The following ZNF407 variants were observed in gnomAD, a reference collection of about 807,000 sequenced individuals.
ZNF407 encodes zinc finger protein 407.
ZNF407 carries 17 observed loss-of-function variants against 131.2 expected under a neutral mutation model. The ratio of observed to expected loss-of-function variants is 0.13; its 90% CI spans 0.09 to 0.19. ZNF407 has a LOEUF of 0.19. Among genes scored for constraint, ZNF407 ranks in the 10% least tolerant of loss-of-function variants. The pLI is 1.00. For missense variants in ZNF407, 2,681 were observed against 2,830.6 expected (o/e 0.95, Z 1.20); for synonymous variants, 1,156 against 1,062.0 (o/e 1.09, Z -1.72).
At chr18:75,031,548 A>G (rs1452847674) in intron 8 of ZNF407, among the ~76,000 whole-genome samples, 3 of 152,242 alleles carry the variant, frequency 2.0e-5, no homozygotes, top group African/African-American at 7.2e-5. Flanking sequence ...ACTGTGACTC[A>G]TGAAACTGCT....
At chr18:74,759,294 C>T (rs1599130486) in intron 3 of ZNF407, among the ~76,000 whole-genome samples, 2 of 152,084 alleles carry the variant, frequency 1.3e-5, no homozygotes, top group Non-Finnish European at 2.9e-5. Flanking sequence ...TAGCATTTGA[C>T]AGTTTGAATA....
intron 8 of ZNF407, among the ~76,000 whole-genome samples, chr18:74,977,477 G>A (rs2145309832): frequency 6.6e-6 from 1 of 152,332 alleles, no homozygotes; most frequent in East Asian, 1.9e-4. Context: ...ATGTTTAGTA[G>A]CCTATCTCAC....
intron 3 of ZNF407, among the ~76,000 whole-genome samples, chr18:74,761,468 A>G (rs1201793898): frequency 6.6e-6 from 1 of 152,090 alleles, no homozygotes; most frequent in Non-Finnish European, 1.5e-5. Context: ...ATATTTATTA[A>G]TTGGTTTGAT....
chr18:74,659,294 G>A (rs1327777751), intron 3 of ZNF407, among the ~76,000 whole-genome samples: 10 of 152,058 alleles, frequency 6.6e-5, no homozygotes, highest in Non-Finnish European at 1.3e-4. Flanking sequence ...CCTATGTAGA[G>A]CTGGTTGAAC....
intron 4 of ZNF407, among the ~76,000 whole-genome samples, chr18:74,807,909 G>T (rs1418437236): frequency 6.6e-6 from 1 of 152,022 alleles, no homozygotes; most frequent in Non-Finnish European, 1.5e-5. Flanking sequence ...AAAAGATGAG[G>T]TCTTACTATG....
At chr18:74,663,537 C>A (rs928250404) in intron 3 of ZNF407, among the ~76,000 whole-genome samples, 1 of 152,128 alleles carries the variant, frequency 6.6e-6, no homozygotes, top group African/African-American at 2.4e-5. Context: ...GAACGCAGGT[C>A]CCGGCTCGAC....
chr18:74,937,339 GCTA>G (rs1186848200), intron 8 of ZNF407, among the ~76,000 whole-genome samples: 2 of 152,160 alleles, frequency 1.3e-5, no homozygotes, highest in African/African-American at 2.4e-5. Context: ...ACAATCTCAT[GCTA>G]CTATTAGTTT....
intron 7 of ZNF407, among the ~76,000 whole-genome samples, chr18:74,893,438 C>G (rs9949283): frequency 0.38 from 58,467 of 152,014 alleles, 12,856 homozygotes; most frequent in African/African-American, 0.6. Context: ...TCTTTTACTA[C>G]TGAACAAAAG....
intron 4 of ZNF407, among the ~76,000 whole-genome samples, chr18:74,782,244 A>G (rs1057096490): frequency 6.6e-6 from 1 of 152,212 alleles, no homozygotes; most frequent in Admixed American, 6.5e-5. Flanking sequence ...AAAATTCTAC[A>G]GATACTCTCA....
chr18:74,754,827 TGATTCGGGGTGGA>T (rs1442879730), intron 3 of ZNF407, among the ~76,000 whole-genome samples: 1 of 152,246 alleles, frequency 6.6e-6, no homozygotes, highest in Non-Finnish European at 1.5e-5. Flanking sequence ...TATATTCTGT[TGATTCGGGGTGGA>T]GAGTTCTGTA....
chr18:74,864,740 A>G lies in ZNF407; in HGVS notation c.4878-12457A>G, dbSNP rs180962096. Among the ~76,000 whole-genome samples, 40 of 152,336 alleles carry G rather than the reference A, an allele frequency of 2.6e-4. No individual in the cohort carries two copies. The East Asian group carries it at 7.1e-3, about 27-fold the overall frequency. ...GAAAATAATTGAAGTGTTAATGTTTATGAGGCAGTGTTGTATCAACTTGTG... is the reference window on the plus strand; with the variant it reads ...GAAAATAATTGAAGTGTTAATGTTTGTGAGGCAGTGTTGTATCAACTTGTG... On this transcript the variant is annotated intron_variant, in intron 4 of 8. Transcript: ENST00000299687.
At chr18:74,892,269 T>C (rs900794241) in intron 7 of ZNF407, among the ~76,000 whole-genome samples, 18 of 151,950 alleles carry the variant, frequency 1.2e-4, no homozygotes, top group Admixed American at 3.3e-4. Context: ...TCATGAGGAG[T>C]GCAAGCCATG....
At position 74,632,716 on chromosome 18, in the gene ZNF407, G is replaced by C; in HGVS notation, c.1697G>C (p.Ser566Thr). The C allele has an allele frequency of 6.2e-7, 1 of 1,614,042 alleles. No homozygotes were observed. Among genetic ancestry groups the C allele is most frequent in the African/African-American group, 1.3e-5 (1 of 75,050 alleles). ...TACTGCCGTACTTGTGACTTCTCTA[G>C]TATGTCAAGAAGGGACTTAGATGAA... ...KFYCRTCDFS[S>T]MSRRDLDEHL... is the part of the protein sequence containing the mutation. The change falls in exon 2 of 9, where the codon AGT (serine) becomes ACT (threonine). Residue 566 changes from serine to threonine, a missense_variant. Transcript: ENST00000299687.
chr18:74,738,619 G>A (rs778906380), intron 3 of ZNF407, among the ~76,000 whole-genome samples: 99 of 151,730 alleles, frequency 6.5e-4, no homozygotes, highest in South Asian at 1.5e-3. Flanking sequence ...TGCTCCTGTA[G>A]TCCCAGCTAC....
At chr18:75,029,840 G>A (rs1260028151) in intron 8 of ZNF407, among the ~76,000 whole-genome samples, 1 of 152,208 alleles carries the variant, frequency 6.6e-6, no homozygotes, top group African/African-American at 2.4e-5. Context: ...ACAAGAAATA[G>A]CTTCAAACTC....
At position 74,910,722 on chromosome 18, in the gene ZNF407, T is replaced by G. The variant is rs376588275; in HGVS notation, c.5250-9792T>G. Among the ~76,000 whole-genome samples, 9 of 152,306 alleles carry G rather than the reference T, an allele frequency of 5.9e-5. No homozygotes were observed. The East Asian group carries it at 1.7e-3, about 29-fold the overall frequency. ...CTCAGTTTCCCACATTTTTAATGAT[T>G]AGAGTTTCATTAAGTATAATAATTT... On this transcript the variant is annotated intron_variant, in intron 7 of 8. Coordinates refer to ENST00000299687, the MANE Select transcript of ZNF407 (RefSeq NM_017757.3).
intron 3 of ZNF407, among the ~76,000 whole-genome samples, chr18:74,657,811 G>A (rs560858401): frequency 6.6e-6 from 1 of 152,202 alleles, no homozygotes; most frequent in Admixed American, 6.5e-5. Flanking sequence ...GTGACCACGA[G>A]GGGGAGTCAG....
intron 3 of ZNF407, among the ~76,000 whole-genome samples, chr18:74,755,049 T>C (rs1199676527): frequency 2.0e-5 from 3 of 152,208 alleles, no homozygotes; most frequent in Non-Finnish European, 4.4e-5. Context: ...TGGGTGTATA[T>C]ATATTTAGGA....
chr18:74,756,033 G>A (rs1441820528), intron 3 of ZNF407, among the ~76,000 whole-genome samples: 2 of 149,808 alleles, frequency 1.3e-5, no homozygotes, highest in Admixed American at 1.3e-4. Context: ...AGCTGGGATT[G>A]CAGGTGCGCA....
Sources: gnomAD v4.1 joint callset for allele counts (sites outside exome capture counted in the v4.1 genomes callset) on GRCh38, gnomAD v4.1.1 for gene constraint, MANE v1.5 for transcripts, NCBI Gene and HGNC (gene_info 2026-07-23, HGNC 2026-07-21) for gene names.